The following PCDH15 variants were observed in gnomAD, a reference collection of about 807,000 sequenced individuals.
The protein encoded by PCDH15 is protocadherin-15.
In PCDH15, 129 loss-of-function variants were observed where a neutral mutation model predicts 178.5. That is an observed-to-expected ratio of 0.72 (90% CI 0.63 to 0.84). The LOEUF (loss-of-function observed/expected upper bound fraction) is 0.84, where lower values mean the gene tolerates loss of function less well. Ranked by LOEUF, PCDH15 falls within the 40% of genes least tolerant of loss-of-function variation. PCDH15 has a pLI of 0.00. For synonymous variants in PCDH15, 800 were observed against 732.0 expected (o/e 1.09, Z -1.50); for missense variants, 2,230 against 2,099.9 (o/e 1.06, Z -1.21).
At chr10:54,171,507 G>A (rs1467779160) in intron 13 of PCDH15, among the ~76,000 whole-genome samples, 2 of 151,416 alleles carry the variant, frequency 1.3e-5, no homozygotes, top group Non-Finnish European at 1.5e-5. Flanking sequence ...ACTATCTTCT[G>A]TCTAGTCATA....
At chr10:54,844,486 T>C (rs1168602523) in intron 3 of PCDH15, among the ~76,000 whole-genome samples, 1 of 151,910 alleles carries the variant, frequency 6.6e-6, no homozygotes, top group Non-Finnish European at 1.5e-5. Flanking sequence ...TGGATTCACA[T>C]ATATGCTTTC....
intron 2 of PCDH15, among the ~76,000 whole-genome samples, chr10:55,026,963 G>T (rs1840490795): frequency 6.6e-6 from 1 of 151,782 alleles, no homozygotes; most frequent in Non-Finnish European, 1.5e-5. Flanking sequence ...CAAGAAAAGG[G>T]CATATAAAAA....
intron 26 of PCDH15, among the ~76,000 whole-genome samples, chr10:53,867,774 AAAGTT>A (rs1330295671): frequency 2.6e-5 from 4 of 152,122 alleles, no homozygotes; most frequent in South Asian, 2.1e-4. Context: ...GAAATAAAAT[AAAGTT>A]GAGTTATAAC....
chr10:54,241,192 A>G (rs759693824), intron 8 of PCDH15, among the ~76,000 whole-genome samples: 1 of 152,162 alleles, frequency 6.6e-6, no homozygotes, highest in African/African-American at 2.4e-5. Context: ...TGATTCAGTG[A>G]CTTGTTTCTT....
At chr10:54,424,613 T>A (rs1464978822) in intron 3 of PCDH15, among the ~76,000 whole-genome samples, 1 of 152,148 alleles carries the variant, frequency 6.6e-6, no homozygotes, top group Non-Finnish European at 1.5e-5. Flanking sequence ...CCAACCCACA[T>A]GTCCATCAAT....
chr10:55,309,735 A>G (rs549420769), intron 1 of PCDH15, among the ~76,000 whole-genome samples: 2 of 152,304 alleles, frequency 1.3e-5, no homozygotes, highest in South Asian at 2.1e-4. Context: ...TTTCCCAACA[A>G]ATTCTGTGTG....
intron 2 of PCDH15, among the ~76,000 whole-genome samples, chr10:55,077,922 T>C (rs918377505): frequency 6.6e-6 from 1 of 152,228 alleles, no homozygotes; most frequent in Non-Finnish European, 1.5e-5. Flanking sequence ...GTGAGTTTTA[T>C]ACTTTTGTAT....
intron 1 of PCDH15, among the ~76,000 whole-genome samples, chr10:55,273,067 T>C (rs1029028922): frequency 6.6e-6 from 1 of 152,098 alleles, no homozygotes; most frequent in Non-Finnish European, 1.5e-5. Context: ...CTGTGCCTGG[T>C]GATACTGATT....
At chr10:54,934,275 G>A (rs1408482758) in intron 2 of PCDH15, among the ~76,000 whole-genome samples, 1 of 151,880 alleles carries the variant, frequency 6.6e-6, no homozygotes, top group Admixed American at 6.6e-5. Flanking sequence ...ATTTTAAAAG[G>A]ATTTTAAAAC....
At chr10:54,890,130 C>T (rs964756433) in intron 3 of PCDH15, among the ~76,000 whole-genome samples, 2 of 152,024 alleles carry the variant, frequency 1.3e-5, no homozygotes, top group African/African-American at 4.8e-5. Context: ...GAGAAGATCA[C>T]TTTAATGAAC....
intron 2 of PCDH15, among the ~76,000 whole-genome samples, chr10:55,584,853 AATT>A (rs1842694117): frequency 6.6e-6 from 1 of 151,458 alleles, no homozygotes; most frequent in Non-Finnish European, 1.5e-5. Context: ...ATACAAAAGT[AATT>A]ATTGTATTAG....
At chr10:54,250,127 C>T (rs949218812) in intron 8 of PCDH15, among the ~76,000 whole-genome samples, 5 of 149,914 alleles carry the variant, frequency 3.3e-5, no homozygotes, top group Non-Finnish European at 5.9e-5. Context: ...AGGCTGGTCT[C>T]GAACTTCTGA....
chr10:54,255,151 G>A (rs1591442242), intron 8 of PCDH15, among the ~76,000 whole-genome samples: 1 of 152,062 alleles, frequency 6.6e-6, no homozygotes, highest in East Asian at 1.9e-4. Context: ...CTTTTTTTAT[G>A]TACAAAAAAG....
intron 2 of PCDH15, among the ~76,000 whole-genome samples, chr10:54,556,035 T>C (rs1447410396): frequency 6.6e-6 from 1 of 152,168 alleles, no homozygotes; most frequent in African/African-American, 2.4e-5. Flanking sequence ...CACTAGTCCT[T>C]GGAACACTCC....
intron 2 of PCDH15, among the ~76,000 whole-genome samples, chr10:55,535,651 G>C (rs957463413): frequency 1.3e-5 from 2 of 151,972 alleles, no homozygotes; most frequent in Non-Finnish European, 2.9e-5. Flanking sequence ...TCAATTAGAA[G>C]AAGGCAAAGC....
At chr10:55,142,396 T>C (rs1416446433) in intron 2 of PCDH15, among the ~76,000 whole-genome samples, 1 of 151,662 alleles carries the variant, frequency 6.6e-6, no homozygotes, top group Non-Finnish European at 1.5e-5. Flanking sequence ...CCTACCAAAA[T>C]TGTTAATATG....
At chr10:55,500,214 ATG>A (rs1840625063) in intron 2 of PCDH15, among the ~76,000 whole-genome samples, 1 of 151,784 alleles carries the variant, frequency 6.6e-6, no homozygotes, top group African/African-American at 2.4e-5. Flanking sequence ...ATTAGGATGT[ATG>A]ATATTTTAAA....
At chr10:54,261,529 G>A (rs1386165483) in intron 8 of PCDH15, among the ~76,000 whole-genome samples, 1 of 152,024 alleles carries the variant, frequency 6.6e-6, no homozygotes, top group Non-Finnish European at 1.5e-5. Flanking sequence ...TAGAATTTTT[G>A]GGTGTAGTGG....
Position 55,158,608 on chromosome 10 carries a change from G to T in PCDH15, c.-80+7968C>A, listed in dbSNP as rs116063446. On this transcript the variant is annotated intron_variant, in intron 2 of 5. Transcript: ENST00000458638. Reference sequence around the variant, plus strand: ...CTGACAGGCTTTCAGAGGGTCTGGGGTCAAAAATAAAAGCTTTTAAAGTGA... The same window carrying T: ...CTGACAGGCTTTCAGAGGGTCTGGGTTCAAAAATAAAAGCTTTTAAAGTGA... 5.9e-3 allele frequency among the ~76,000 whole-genome samples: 836 copies of T among 142,332 alleles called. 7 individuals are homozygous for T. The highest frequency in any genetic ancestry group is 0.02 in the African/African-American group (784 of 39,378). The allele number at this position is 142,332 out of a possible 152,430, so 93.4% of individuals were successfully genotyped here.
Sources: gnomAD v4.1 joint callset for allele counts (sites outside exome capture counted in the v4.1 genomes callset) on GRCh38, gnomAD v4.1.1 for gene constraint, MANE v1.5 for transcripts, NCBI Gene and HGNC (gene_info 2026-07-23, HGNC 2026-07-21) for gene names.